Variants in NIN observed in about 807,000 individuals in gnomAD.
NIN encodes the protein glycogen synthase kinase 3 beta-interacting protein.
NIN carries 137 observed loss-of-function variants against 257.6 expected under a neutral mutation model. The ratio of observed to expected loss-of-function variants is 0.53; its 90% confidence interval spans 0.46 to 0.61. NIN has a LOEUF of 0.61. Ranked by LOEUF, NIN falls within the 20% of genes least tolerant of loss-of-function variation. The pLI, the probability that NIN is intolerant of heterozygous loss-of-function variation, is 0.00. For synonymous variants in NIN, 918 were observed against 919.8 expected (o/e 1.00, Z 0.04); for missense variants, 2,439 against 2,501.2 (o/e 0.98, Z 0.53).
intron 28 of NIN, among the ~76,000 whole-genome samples, chr14:50,732,727 G>GT (rs111793803): frequency 0.54 from 82,292 of 151,440 alleles, 22,921 homozygotes; most frequent in African/African-American, 0.65. Flanking sequence ...TTGTTTTTTT[G>GT]TTTTTTGGGT....
chr14:50,759,627 G>A (rs1313641533), intron 17 of NIN, among the ~76,000 whole-genome samples: 1 of 152,108 alleles, frequency 6.6e-6, no homozygotes, highest in African/African-American at 2.4e-5. Flanking sequence ...CAGAGTAGCT[G>A]GGACTACAGG....
intron 5 of NIN, among the ~76,000 whole-genome samples, chr14:50,783,122 A>C (rs979296899): frequency 1.3e-5 from 2 of 151,592 alleles, no homozygotes; most frequent in Non-Finnish European, 2.9e-5. Flanking sequence ...ACGGAGTCTC[A>C]CTCTGTTCTG....
chr14:50,755,821 C>A (rs367647139), intron 18 of NIN, among the ~76,000 whole-genome samples: 1 of 151,942 alleles, frequency 6.6e-6, no homozygotes, highest in Non-Finnish European at 1.5e-5. Flanking sequence ...TGCACCACCA[C>A]GCCCAGCAAA....
rs1373042028 is a variant in NIN, at chr14:50,758,107, C to T, written c.2923G>A (p.Glu975Lys). 3.7e-6 allele frequency: 6 copies of T among 1,614,222 alleles called. No homozygotes were observed. In the South Asian group the frequency reaches 5.5e-5, roughly 15 times the overall value. ...ATTTCCTGCCTTTCCTGGTCATGTT[C>T]CATTTCTAGTCTTTCCAGCCGCTGG... is the stretch of plus-strand genomic sequence containing the variant. Reference protein sequence around the residue: ...ASQRLERLEMEHDQERQEMMS... With the variant: ...ASQRLERLEMKHDQERQEMMS... Residue 975 changes from glutamate to lysine, a missense_variant, in exon 18 of 31, where the codon GAA becomes AAA. Physicochemically the swap from Glu to Lys is moderately conservative, Grantham distance 56. Coordinates refer to ENST00000530997, the MANE Select transcript of NIN (RefSeq NM_020921.4).
rs1595726529 is a variant in NIN at position 50,738,000 on chromosome 14, A to G, written c.5775+140T>C. Reference sequence around the variant, plus strand: ...CAAAAAGAACCACGATGCTATTTTGACAAGATAACAGCATAAAGAGATACA... The same window carrying G: ...CAAAAAGAACCACGATGCTATTTTGGCAAGATAACAGCATAAAGAGATACA... On this transcript the variant is annotated intron_variant, in intron 27 of 30. Coordinates refer to ENST00000530997, the MANE Select transcript of NIN (RefSeq NM_020921.4). 153 of 819,226 alleles carry G rather than the reference A, an allele frequency of 1.9e-4. 3 individuals are homozygous for G. The East Asian group carries it at 4.0e-3, about 21-fold the overall frequency. The allele number at this position is 819,226 out of a possible 1,614,324, so 50.7% of individuals were successfully genotyped here.
intron 3 of NIN, among the ~76,000 whole-genome samples, chr14:50,808,095 T>C (rs1262799876): frequency 6.6e-6 from 1 of 152,186 alleles, no homozygotes; most frequent in Non-Finnish European, 1.5e-5. Flanking sequence ...GCTTAAAAAA[T>C]CTACGTAATC....
intron 4 of NIN, 51 bp from the exon 5 acceptor site, chr14:50,792,932 T>C: frequency 6.3e-7 from 1 of 1,585,286 alleles, no homozygotes; most frequent in Non-Finnish European, 8.7e-7. Flanking sequence ...ATCTCAGTTC[T>C]TAGCTGCCAC....
At chr14:50,817,278 T>A (rs1406311831) in intron 3 of NIN, among the ~76,000 whole-genome samples, 1 of 152,238 alleles carries the variant, frequency 6.6e-6, no homozygotes, top group Non-Finnish European at 1.5e-5. Context: ...TAATTTTGCA[T>A]ACAGAGAACA....
intron 5 of NIN, among the ~76,000 whole-genome samples, chr14:50,790,577 C>G (rs1405837801): frequency 6.6e-6 from 1 of 152,112 alleles, no homozygotes; most frequent in East Asian, 1.9e-4. Context: ...AGTTGGAGTC[C>G]TCGCTGAGAA....
rs774838485 is a variant in NIN, at chr14:50,747,390, GAAC to G, written c.5064+599_5064+601del. Among the ~76,000 whole-genome samples, 96 of 152,308 alleles carry G rather than the reference GAAC, an allele frequency of 6.3e-4. 1 individual carries two copies. Among genetic ancestry groups the G allele is most frequent in the Non-Finnish European group, 4.7e-4 (32 of 68,038 alleles). The stretch of plus-strand genomic sequence containing the variant: ...TACTTTATAACCTGGCTGGGTGACA[GAAC>G]AACAATTTCTTAAACTGAAGTGGTT... On this transcript the variant is annotated intron_variant, in intron 22 of 30. Coordinates refer to ENST00000530997, the MANE Select transcript of NIN (RefSeq NM_020921.4).
intron 22 of NIN, among the ~76,000 whole-genome samples, chr14:50,745,137 G>GT (rs147160294): frequency 6.6e-6 from 1 of 152,070 alleles, no homozygotes; most frequent in East Asian, 1.9e-4. Flanking sequence ...ACCAAATACT[G>GT]TTTTTTATTC....
At position 50,821,733 on chromosome 14, in the gene NIN, C is replaced by A; in HGVS notation, c.183+141G>T. ...CCTAGCAAACTGGACTGTGATGTCACACCCATTACATTCTTCTTTTTATCA... is the reference window on the plus strand; with the variant it reads ...CCTAGCAAACTGGACTGTGATGTCAAACCCATTACATTCTTCTTTTTATCA... On this transcript the variant is annotated intron_variant, in intron 3 of 30. Transcript: ENST00000530997. 4.3e-6 allele frequency: 3 copies of A among 704,138 alleles called. No individual in the cohort carries two copies. The South Asian group carries it at 5.1e-5, about 12-fold the overall frequency. The allele number at this position is 704,138 out of a possible 1,614,324, so 43.6% of individuals were successfully genotyped here.
intron 21 of NIN, among the ~76,000 whole-genome samples, chr14:50,749,570 T>C (rs973751928): frequency 4.6e-5 from 7 of 152,226 alleles, no homozygotes; most frequent in African/African-American, 1.7e-4. Context: ...CTATTATTAC[T>C]GGGGTGTTTG....
intron 12 of NIN, among the ~76,000 whole-genome samples, chr14:50,769,744 T>C (rs2042648978): frequency 6.6e-6 from 1 of 152,102 alleles, no homozygotes; most frequent in African/African-American, 2.4e-5. Context: ...TCAAGTGATA[T>C]GCCTGCCTCG....
At chr14:50,726,286 T>G (rs2040409698) in intron 29 of NIN, 5 of 477,048 alleles carry the variant, frequency 1.0e-5, no homozygotes, top group Non-Finnish European at 1.9e-5. Flanking sequence ...ATCAAAAGAA[T>G]CTTACCTGTG....
chr14:50,760,319 C>A lies in NIN; in HGVS notation c.1937G>T (p.Ser646Ile), dbSNP rs201405691. 1.6e-5 allele frequency: 25 copies of A among 1,607,610 alleles called. No homozygotes were observed. Among genetic ancestry groups the A allele is most frequent in the Non-Finnish European group, 1.9e-5 (23 of 1,179,870 alleles). ...YEKQLDETVV[S>I]CKKAQENMKQ... ...CATGTTCTCCTGTGCCTTCTTGCAG[C>A]TGACCACGGTTTCGTCCAGCTGCTT... The change falls in exon 17 of 31, where the codon AGC (serine) becomes ATC (isoleucine). Residue 646 changes from serine to isoleucine, a missense_variant. Around this residue, in one of 3 missense-constraint regions of NIN, gnomAD observed 2,043 missense variants for 2,050.2 expected, o/e 1.00. Transcript: ENST00000530997.
At chr14:50,820,866 A>C (rs978965279) in intron 3 of NIN, among the ~76,000 whole-genome samples, 1 of 152,228 alleles carries the variant, frequency 6.6e-6, no homozygotes, top group Admixed American at 6.5e-5. Flanking sequence ...TGTCTGTCTC[A>C]GGTTACAGAA....
chr14:50,737,668 CAG>C (rs1484663065), intron 27 of NIN, among the ~76,000 whole-genome samples: 2 of 129,088 alleles, frequency 1.5e-5, no homozygotes, highest in South Asian at 2.6e-4. Context: ...TTTTTTTAAA[CAG>C]AGTCTCACTC....
At position 50,741,733 on chromosome 14, in the gene NIN, A is replaced by G. The variant is rs2041293804; in HGVS notation, c.5302-5T>C. The G allele has an allele frequency of 6.2e-7, 1 of 1,612,826 alleles. No homozygotes were observed. The highest frequency in any genetic ancestry group is 8.5e-7 in the Non-Finnish European group (1 of 1,179,562). ...GGTGTCTTCTAAATTCTGAACCTGT[A>G]TTGTGAGAATGATCTTTTACTGCTA... On this transcript the variant is annotated splice_polypyrimidine_tract_variant and splice_region_variant and intron_variant, in intron 24 of 30. Coordinates refer to ENST00000530997, the MANE Select transcript of NIN (RefSeq NM_020921.4).
Sources: allele counts gnomAD v4.1 joint callset (sites outside exome capture counted in the v4.1 genomes callset), GRCh38; gene constraint gnomAD v4.1.1; regional missense constraint gnomAD v4.1.1; transcripts MANE v1.5; gene names NCBI Gene and HGNC (gene_info 2026-07-23, HGNC 2026-07-21).